HSPBAP1: variants seen among roughly 807,000 people sequenced by gnomAD.
The protein encoded by HSPBAP1 is HSPB1-associated protein 1.
In HSPBAP1, 27 loss-of-function variants were observed where a neutral mutation model predicts 45.2. That is an observed-to-expected ratio of 0.60 (90% CI 0.44 to 0.82). HSPBAP1 has a LOEUF of 0.82. HSPBAP1 is among the 40% of genes least tolerant of loss of function. HSPBAP1 has a pLI of 0.00. For missense variants in HSPBAP1, 510 were observed against 590.9 expected (o/e 0.86, Z 1.42); for synonymous variants, 204 against 202.7 (o/e 1.01, Z -0.06).
At chr3:122,783,761 C>A (rs998481936) in intron 1 of HSPBAP1, among the ~76,000 whole-genome samples, 2 of 147,544 alleles carry the variant, frequency 1.4e-5, no homozygotes, top group African/African-American at 5.0e-5. Flanking sequence ...GTACAGATTT[C>A]TCTCAGCCTT....
At chr3:122,747,429 C>T (rs1314185806) in intron 6 of HSPBAP1, among the ~76,000 whole-genome samples, 1 of 151,748 alleles carries the variant, frequency 6.6e-6, no homozygotes, top group Admixed American at 6.5e-5. Context: ...GCAACCACAC[C>T]GTCTGGGAAG....
chr3:122,778,987 T>C lies in HSPBAP1; in HGVS notation c.65-1081A>G, dbSNP rs1935299102. On this transcript the variant is annotated intron_variant, in intron 1 of 7. Transcript: ENST00000306103. ...TTCAGAAGTCTCATGGGATGTTTTGTTTGCTTCTCCATATTGATCCTTAAT... is the reference window on the plus strand; with the variant it reads ...TTCAGAAGTCTCATGGGATGTTTTGCTTGCTTCTCCATATTGATCCTTAAT... Among the ~76,000 whole-genome samples the C allele has an allele frequency of 3.3e-5, 5 of 152,286 alleles. No homozygotes were observed. In the South Asian group the frequency reaches 1.0e-3, roughly 32 times the overall value.
At chr3:122,753,604 T>A in intron 5 of HSPBAP1, 7 of 984,574 alleles carry the variant, frequency 7.1e-6, no homozygotes, top group Non-Finnish European at 7.2e-6. Context: ...AGTATGAGAT[T>A]TCCTATTAAG....
At chr3:122,748,379 TAAAAAAAA>T (rs747657975) in intron 6 of HSPBAP1, among the ~76,000 whole-genome samples, 1 of 124,404 alleles carries the variant, frequency 8.0e-6, no homozygotes. Flanking sequence ...AATGATCAAT[TAAAAAAAA>T]AAAAAGAAAA....
intron 6 of HSPBAP1, chr3:122,741,804 T>G (rs1284727998): frequency 6.6e-6 from 1 of 152,118 alleles, no homozygotes; most frequent in East Asian, 1.9e-4. Context: ...AATAAACATA[T>G]GAAGATATGT....
At chr3:122,772,371 G>A (rs935022536) in intron 2 of HSPBAP1, among the ~76,000 whole-genome samples, 3 of 152,066 alleles carry the variant, frequency 2.0e-5, no homozygotes, top group Admixed American at 6.6e-5. Context: ...AGGATGAATT[G>A]TATATTCAAA....
chr3:122,751,510 G>A (rs1311542303), intron 6 of HSPBAP1, among the ~76,000 whole-genome samples: 1 of 152,156 alleles, frequency 6.6e-6, no homozygotes, highest in Non-Finnish European at 1.5e-5. Context: ...GAAAGTAAGA[G>A]GTTTTGAGCA....
intron 6 of HSPBAP1, among the ~76,000 whole-genome samples, chr3:122,746,851 CA>C (rs1359258360): frequency 2.0e-5 from 3 of 152,176 alleles, no homozygotes; most frequent in African/African-American, 7.2e-5. Context: ...GATGGGGTTT[CA>C]CTGTGTTGGC....
rs373096155 is a variant in HSPBAP1, at chr3:122,747,735, G to C, written c.825+4856C>G. The stretch of plus-strand genomic sequence containing the variant: ...AGTGAGGAGCCCCTCTGCCCGGCCA[G>C]CCGCCCCGTCCCGGAGGGAGGTGGG... On this transcript the variant is annotated intron_variant, in intron 6 of 7. Coordinates refer to ENST00000306103, the MANE Select transcript of HSPBAP1 (RefSeq NM_024610.6). Among the ~76,000 whole-genome samples, 73 of 144,062 alleles carry C rather than the reference G, an allele frequency of 5.1e-4. 5 individuals are homozygous for C. In the East Asian group the frequency reaches 0.013, roughly 26 times the overall value. The allele number at this position is 144,062 out of a possible 152,430, so 94.5% of individuals were successfully genotyped here.
chr3:122,784,411 A>G (rs2107540886), intron 1 of HSPBAP1, among the ~76,000 whole-genome samples: 1 of 152,318 alleles, frequency 6.6e-6, no homozygotes, highest in East Asian at 1.9e-4. Flanking sequence ...GTCTACTACC[A>G]CACTATAACA....
Position 122,755,355 on chromosome 3 carries a change from C to T in HSPBAP1, c.646G>A (p.Val216Met), listed in dbSNP as rs763628005. The change falls in exon 5 of 8, where the codon GTG becomes ATG. Residue 216 changes from valine to methionine, a missense_variant. Transcript: ENST00000306103. ...TTGACAACATTGATTTTACTGAACA[C>T]ACTAGATTCTTCATAAGGGATTCTA... ...PTRIPYEESS[V>M]FSKINVVNPD... 6.3e-7 allele frequency: 1 copy of T among 1,599,832 alleles called. No homozygotes were observed. Among genetic ancestry groups the T allele is most frequent in the Non-Finnish European group, 8.5e-7 (1 of 1,173,134 alleles).
Position 122,779,012 on chromosome 3 carries a change from T to C in HSPBAP1, c.65-1106A>G, listed in dbSNP as rs1014634471. Among the ~76,000 whole-genome samples the C allele has an allele frequency of 9.9e-5, 15 of 151,796 alleles. 1 individual carries two copies. ...TTTGCTTCTCCATATTGATCCTTAA[T>C]GTGATAGATTTCATTTTCTTTCTTT... On this transcript the variant is annotated intron_variant, in intron 1 of 7. Transcript: ENST00000306103.
intron 1 of HSPBAP1, among the ~76,000 whole-genome samples, chr3:122,781,245 T>C (rs962250686): frequency 5.7e-4 from 87 of 152,200 alleles, no homozygotes; most frequent in Non-Finnish European, 1.1e-3. Flanking sequence ...ATCACGCCAC[T>C]GCACTCCAGC....
At chr3:122,753,130 A>C in intron 5 of HSPBAP1, 1 of 387,814 alleles carries the variant, frequency 2.6e-6, no homozygotes, top group Non-Finnish European at 3.5e-6. Context: ...TCAGGGGACA[A>C]TGGTGTTTCA....
chr3:122,793,752 A>G lies in HSPBAP1; in HGVS notation c.-72T>C. ...TGGGGTGGGGTCAGAGTAGGGGCCA[A>G]ACTCCGAGACCCGAAGCTGCACCAC... On this transcript the variant is annotated 5_prime_UTR_variant, in exon 1 of 8. Coordinates refer to ENST00000306103, the MANE Select transcript of HSPBAP1 (RefSeq NM_024610.6). 3 of 1,415,134 alleles carry G rather than the reference A, an allele frequency of 2.1e-6. No homozygotes were observed. The highest frequency in any genetic ancestry group is 3.0e-6 in the Non-Finnish European group (3 of 1,006,882). 87.7% of individuals were successfully genotyped at this position (1,415,134 alleles called of 1,614,324 possible).
chr3:122,758,819 G>A (rs1934447822), intron 4 of HSPBAP1: 2 of 453,636 alleles, frequency 4.4e-6, no homozygotes, highest in Non-Finnish European at 4.4e-6. Flanking sequence ...ATGGCTTGAG[G>A]TCCAGGAGCT....
At chr3:122,781,136 C>T (rs1935452315) in intron 1 of HSPBAP1, among the ~76,000 whole-genome samples, 1 of 151,912 alleles carries the variant, frequency 6.6e-6, no homozygotes, top group Non-Finnish European at 1.5e-5. Context: ...AGACGCTCCT[C>T]ACTTCCCAGA....
intron 6 of HSPBAP1, among the ~76,000 whole-genome samples, chr3:122,747,372 C>A (rs1002308817): frequency 5.3e-5 from 8 of 151,248 alleles, no homozygotes; most frequent in Non-Finnish European, 1.2e-4. Flanking sequence ...AGGAGACCCT[C>A]CGCCTGGCAA....
chr3:122,788,582 C>T (rs553704984), intron 1 of HSPBAP1, among the ~76,000 whole-genome samples: 22 of 152,150 alleles, frequency 1.4e-4, no homozygotes, highest in Non-Finnish European at 3.2e-4. Context: ...AAGCAAAATG[C>T]TTACACGTGC....
Sources: allele counts gnomAD v4.1 joint callset (sites outside exome capture counted in the v4.1 genomes callset), GRCh38; gene constraint gnomAD v4.1.1; transcripts MANE v1.5; gene names NCBI Gene and HGNC (gene_info 2026-07-23, HGNC 2026-07-21).